Variants in FRMD3 observed in about 807,000 individuals in gnomAD.
FRMD3 encodes the protein FERM domain-containing protein 3.
FRMD3 carries 33 observed loss-of-function variants against 70.2 expected under a neutral mutation model. The ratio of observed to expected loss-of-function variants is 0.47; its 90% confidence interval spans 0.36 to 0.63. The LOEUF is 0.63. Ranked by LOEUF, FRMD3 falls within the 20% of genes least tolerant of loss-of-function variation. The probability of loss-of-function intolerance (pLI) is 0.00; values close to 1 mark genes in which losing one functional copy is unlikely to be tolerated. For synonymous variants in FRMD3, 279 were observed against 255.9 expected (o/e 1.09, Z -0.86); for missense variants, 632 against 711.4 (o/e 0.89, Z 1.27).
At chr9:83,372,006 A>G (rs1369072499) in intron 3 of FRMD3, among the ~76,000 whole-genome samples, 1 of 152,226 alleles carries the variant, frequency 6.6e-6, no homozygotes, top group Non-Finnish European at 1.5e-5. Context: ...TCATATTCAA[A>G]AAATGAAAGA....
chr9:83,345,396 G>GA (rs1823921705), intron 4 of FRMD3, among the ~76,000 whole-genome samples: 1 of 152,122 alleles, frequency 6.6e-6, no homozygotes, highest in Non-Finnish European at 1.5e-5. Flanking sequence ...TGAATTACTT[G>GA]AAGAGTTTGT....
Position 83,245,279 on chromosome 9 carries a change from T to G in FRMD3, c.*2639A>C, listed in dbSNP as rs1760191773. The G allele has an allele frequency of 1.0e-6, 1 of 985,284 alleles. No individual in the cohort carries two copies. The highest frequency in any genetic ancestry group is 1.2e-6 in the Non-Finnish European group (1 of 829,912). The allele number at this position is 985,284 out of a possible 1,614,324, so 61.0% of individuals were successfully genotyped here. A position where few individuals can be genotyped will look rare whatever the true frequency, so the allele number is the denominator to read the frequency against. On this transcript the variant is annotated 3_prime_UTR_variant, in exon 14 of 14. Transcript: ENST00000304195. ...TTAAACTCTATATCTCACTCTATAA[T>G]ATACTGTCCATCTCTGGAAGCAGGC...
intron 4 of FRMD3, among the ~76,000 whole-genome samples, chr9:83,344,915 A>G (rs1823904203): frequency 6.6e-6 from 1 of 151,360 alleles, no homozygotes; most frequent in Non-Finnish European, 1.5e-5. Context: ...TCTAGCGCCC[A>G]AGTAATTTAA....
At position 83,361,917 on chromosome 9, in the gene FRMD3, C is replaced by T. The variant is rs555018576; in HGVS notation, c.295+10996G>A. ...GCCAGAAAAGGCAGGAAGCATTCTTCCCTAGAGCCTTCGGAGGGAGCATGG... is the reference window on the plus strand; with the variant it reads ...GCCAGAAAAGGCAGGAAGCATTCTTTCCTAGAGCCTTCGGAGGGAGCATGG... On this transcript the variant is annotated intron_variant, in intron 3 of 13. Coordinates refer to ENST00000304195, the MANE Select transcript of FRMD3 (RefSeq NM_174938.6). Among the ~76,000 whole-genome samples, 9 of 152,300 alleles carry T rather than the reference C, an allele frequency of 5.9e-5. No individual in the cohort carries two copies. The South Asian group carries it at 1.2e-3, about 21-fold the overall frequency.
At chr9:83,284,294 G>C (rs1442769099) in intron 13 of FRMD3, among the ~76,000 whole-genome samples, 1 of 151,934 alleles carries the variant, frequency 6.6e-6, no homozygotes, top group African/African-American at 2.4e-5. Context: ...TTCATGGGAC[G>C]TAACACAAAA....
the FRMD3 span, among the ~76,000 whole-genome samples, chr9:83,585,238 C>G: frequency 1.3e-5 from 2 of 152,058 alleles, no homozygotes; most frequent in African/African-American, 4.8e-5. Flanking sequence ...GAAATGGAGC[C>G]CACTCAGCCA....
At chr9:83,568,955 G>GATAGATACATACATACATACATAC in the FRMD3 span, among the ~76,000 whole-genome samples, 4 of 130,748 alleles carry the variant, frequency 3.1e-5, no homozygotes, top group African/African-American at 1.2e-4. Context: ...TAGATAGATA[G>GATAGATACATACATACATACATAC]ATACATACAT....
At chr9:83,510,936 T>C (rs1829324772) in intron 1 of FRMD3, among the ~76,000 whole-genome samples, 1 of 152,210 alleles carries the variant, frequency 6.6e-6, no homozygotes. Context: ...TAAAATTGAC[T>C]GTGTTGATGG....
upstream of FRMD3, among the ~76,000 whole-genome samples, chr9:83,539,412 G>C (rs893194449): frequency 1.3e-5 from 2 of 152,186 alleles, no homozygotes; most frequent in Non-Finnish European, 2.9e-5. Context: ...AGAATGTCCA[G>C]GAGCTGGGAG....
At chr9:83,440,969 T>C (rs1008823608) in intron 1 of FRMD3, among the ~76,000 whole-genome samples, 6 of 152,190 alleles carry the variant, frequency 3.9e-5, no homozygotes, top group Non-Finnish European at 8.8e-5. Flanking sequence ...GAGACTTGTT[T>C]CGGCCAATGA....
Position 83,290,583 on chromosome 9 carries a change from G to C in FRMD3, c.1195+20C>G. The C allele has an allele frequency of 1.2e-6, 2 of 1,613,766 alleles. No homozygotes were observed. Among genetic ancestry groups the C allele is most frequent in the Non-Finnish European group, 1.7e-6 (2 of 1,179,858 alleles). On this transcript the variant is annotated intron_variant, in intron 13 of 13. Coordinates refer to ENST00000304195, the MANE Select transcript of FRMD3 (RefSeq NM_174938.6). Reference sequence around the variant, plus strand: ...AGGAAGCCTGCAGCACCAGCATTTGGGATGAAGAGACAGACTTACCCTCAC... The same window carrying C: ...AGGAAGCCTGCAGCACCAGCATTTGCGATGAAGAGACAGACTTACCCTCAC...
chr9:83,565,031 C>A, the FRMD3 span, among the ~76,000 whole-genome samples: 2 of 152,256 alleles, frequency 1.3e-5, no homozygotes, highest in African/African-American at 4.8e-5. Flanking sequence ...GCTGTCAACG[C>A]CAGTGATATT....
At chr9:83,388,311 T>A (rs1825568577) in intron 2 of FRMD3, among the ~76,000 whole-genome samples, 1 of 151,466 alleles carries the variant, frequency 6.6e-6, no homozygotes, top group South Asian at 2.1e-4. Context: ...GGTGTGGGGG[T>A]GGAAAGAGGA....
intron 1 of FRMD3, among the ~76,000 whole-genome samples, chr9:83,395,190 C>A (rs1825777687): frequency 6.7e-6 from 1 of 150,278 alleles, no homozygotes; most frequent in Admixed American, 6.7e-5. Context: ...AATCTTAAAT[C>A]TTTGTCTCAA....
At chr9:83,529,500 C>A (rs140311206) in intron 1 of FRMD3, among the ~76,000 whole-genome samples, 6 of 152,242 alleles carry the variant, frequency 3.9e-5, no homozygotes, top group Admixed American at 3.9e-4. Context: ...AACTATGTAT[C>A]AATTTTAAAA....
intron 1 of FRMD3, among the ~76,000 whole-genome samples, chr9:83,482,488 T>A (rs1828590810): frequency 6.6e-6 from 1 of 152,202 alleles, no homozygotes; most frequent in South Asian, 2.1e-4. Context: ...AATATATCTG[T>A]CAGTCATTAC....
chr9:83,432,124 A>G (rs1209485950), intron 1 of FRMD3, among the ~76,000 whole-genome samples: 1 of 152,204 alleles, frequency 6.6e-6, no homozygotes, highest in Non-Finnish European at 1.5e-5. Context: ...CACACCTGGA[A>G]GCAATGGACT....
chr9:83,268,838 GAGTT>G (rs905942332), intron 13 of FRMD3, among the ~76,000 whole-genome samples: 5 of 152,180 alleles, frequency 3.3e-5, no homozygotes, highest in African/African-American at 9.7e-5. Context: ...ACTCTCACAG[GAGTT>G]AGTTAATTTT....
At chr9:83,357,841 T>C (rs559348681) in intron 3 of FRMD3, among the ~76,000 whole-genome samples, 30 of 152,238 alleles carry the variant, frequency 2.0e-4, no homozygotes, top group Non-Finnish European at 3.7e-4. Context: ...GTCAAATGTA[T>C]AGATTGTGAA....
Sources: allele counts gnomAD v4.1 joint callset (sites outside exome capture counted in the v4.1 genomes callset), GRCh38; gene constraint gnomAD v4.1.1; transcripts MANE v1.5; gene names NCBI Gene and HGNC (gene_info 2026-07-23, HGNC 2026-07-21).